Variants in EIF4B observed in about 807,000 individuals in gnomAD.
The protein encoded by EIF4B is eukaryotic translation initiation factor 4B.
In EIF4B, 8 loss-of-function variants were observed where a neutral mutation model predicts 79.3. The observed-to-expected ratio is 0.10, with a 90% confidence interval of 0.06 to 0.18. EIF4B has a LOEUF of 0.18. EIF4B is among the 10% of genes least tolerant of loss of function. The probability of loss-of-function intolerance (pLI) is 1.00; values close to 1 mark genes in which losing one functional copy is unlikely to be tolerated. For synonymous variants in EIF4B, 238 were observed against 274.7 expected (o/e 0.87, Z 1.32); for missense variants, 515 against 792.4 (o/e 0.65, Z 4.20).
rs149227424 is a variant in EIF4B, at chr12:53,027,279, G to A, written c.668-503G>A. Among the ~76,000 whole-genome samples the A allele has an allele frequency of 4.8e-3, 723 of 151,104 alleles. 6 individuals carry two copies. Among genetic ancestry groups the A allele is most frequent in the African/African-American group, 0.017 (691 of 41,260 alleles). ...CTCCCAAGTAGCTGGGACTGCAGGT[G>A]TGCGTCACCACGCCCAGCTAATTTT... On this transcript the variant is annotated intron_variant, in intron 6 of 14. Transcript: ENST00000262056.
chr12:53,031,831 CAG>C (rs1380073908), intron 8 of EIF4B, among the ~76,000 whole-genome samples: 3 of 152,146 alleles, frequency 2.0e-5, no homozygotes, highest in African/African-American at 2.4e-5. Context: ...ATTTAGAGGA[CAG>C]AGTACAGCTG....
intron 10 of EIF4B, among the ~76,000 whole-genome samples, chr12:53,037,138 G>T (rs1943553066): frequency 6.6e-6 from 1 of 152,200 alleles, no homozygotes; most frequent in African/African-American, 2.4e-5. Context: ...TTAACATTGA[G>T]AATGCAGAAA....
At chr12:53,010,872 C>A (rs10876395) in intron 1 of EIF4B, among the ~76,000 whole-genome samples, 59,289 of 152,054 alleles carry the variant, frequency 0.39, 15,012 homozygotes, top group Non-Finnish European at 0.57. Context: ...CACACCTGGC[C>A]TAAAGTAGCT....
In EIF4B at chr12:53,017,619, C is replaced by G. The variant is rs548088926; in HGVS notation, c.151+1009C>G. On this transcript the variant is annotated intron_variant, in intron 2 of 14. Coordinates refer to ENST00000262056, the MANE Select transcript of EIF4B (RefSeq NM_001417.7). ...TAAAAACAGGAAATTTTTTTTGAGA[C>G]AGAGTCTCTATTGCCCAGGCTGGGG... Among the ~76,000 whole-genome samples, 4 of 152,120 alleles carry G rather than the reference C, an allele frequency of 2.6e-5. No individual in the cohort carries two copies. The South Asian group carries it at 8.3e-4, about 32-fold the overall frequency.
At position 53,039,219 on chromosome 12, in the gene EIF4B, T is replaced by C; in HGVS notation, c.1577-19T>C. ...TACTTTTACTTGCCTTTAATTTGTT[T>C]ACATTACTGCCCAAGCAGATGAAAA... On this transcript the variant is annotated intron_variant, in intron 12 of 14. Transcript: ENST00000262056. The C allele has an allele frequency of 6.4e-7, 1 of 1,552,630 alleles. No individual in the cohort carries two copies. Among genetic ancestry groups the C allele is most frequent in the Non-Finnish European group, 8.8e-7 (1 of 1,135,542 alleles).
chr12:53,039,941 A>AGGTG (rs1254119058), intron 14 of EIF4B: 6 of 701,200 alleles, frequency 8.6e-6, no homozygotes, highest in Admixed American at 2.8e-5. Flanking sequence ...CAAGGTGTAG[A>AGGTG]GGTGGTATGA....
intron 7 of EIF4B, 30 bp from the exon 8 acceptor site, chr12:53,027,985 T>G (rs532662237): frequency 3.1e-6 from 5 of 1,607,594 alleles, no homozygotes; most frequent in African/African-American, 1.3e-5. Context: ...CCCTCCGCTG[T>G]GATGATTATA....
intron 6 of EIF4B, among the ~76,000 whole-genome samples, chr12:53,024,873 C>G (rs1943308601): frequency 6.6e-6 from 1 of 152,100 alleles, no homozygotes; most frequent in Admixed American, 6.6e-5. Context: ...GCCAGCTGGT[C>G]TCTAACTCCT....
At position 53,036,987 on chromosome 12, in the gene EIF4B, G is replaced by A. The variant is rs1943550972; in HGVS notation, c.1307-422G>A. Among the ~76,000 whole-genome samples the A allele has an allele frequency of 2.0e-5, 3 of 152,234 alleles. No individual in the cohort carries two copies. In the South Asian group the frequency reaches 6.2e-4, roughly 31 times the overall value. On this transcript the variant is annotated intron_variant, in intron 10 of 14. Transcript: ENST00000262056. The stretch of plus-strand genomic sequence containing the variant: ...AGGCGAGAGCCACTGCACCCAGCCA[G>A]TAGGTGGTTTTTCATAAATATGATT...
chr12:53,021,774 A>G (rs747594135), intron 4 of EIF4B, 32 bp from the exon 5 acceptor site: 2 of 1,614,080 alleles, frequency 1.2e-6, no homozygotes, highest in African/African-American at 1.3e-5. Flanking sequence ...TAATGGGGCA[A>G]AAGGTTGGTT....
intron 6 of EIF4B, among the ~76,000 whole-genome samples, chr12:53,026,738 AC>A (rs1217676915): frequency 6.6e-5 from 10 of 152,204 alleles, no homozygotes; most frequent in Admixed American, 5.2e-4. Flanking sequence ...AGTAGCTGGG[AC>A]CACAGGCCTG....
rs757056438 is a variant in EIF4B at position 53,016,536 on chromosome 12, G to C, written c.77G>C (p.Gly26Ala). 56 of 1,613,460 alleles carry C rather than the reference G, an allele frequency of 3.5e-5. No individual in the cohort carries two copies. The highest frequency in any genetic ancestry group is 4.4e-5 in the Non-Finnish European group (52 of 1,179,906). ...SLTDFLAEDG[G>A]TGGGSTYVSK... ...ACAGACTTTCTGGCTGAGGATGGGGGTACTGGTGGAGGAAGCACCTATGTT... is the reference window on the plus strand; with the variant it reads ...ACAGACTTTCTGGCTGAGGATGGGGCTACTGGTGGAGGAAGCACCTATGTT... Residue 26 changes from glycine (G) to alanine (A), a missense_variant, in exon 2 of 15, where the codon GGT becomes GCT. Gly to Ala is a moderately conservative substitution (Grantham distance 60). Around this residue, in one of 6 missense-constraint regions of EIF4B, gnomAD observed 105 missense variants for 177.2 expected, o/e 0.59. Transcript: ENST00000262056.
intron 5 of EIF4B, chr12:53,022,159 T>G: frequency 1.5e-6 from 1 of 664,978 alleles, no homozygotes. Flanking sequence ...TTGAGAAGAC[T>G]GATTGATCTA....
chr12:53,032,414 C>T (rs1222814288), intron 8 of EIF4B, among the ~76,000 whole-genome samples: 2 of 152,146 alleles, frequency 1.3e-5, no homozygotes, highest in Admixed American at 6.5e-5. Flanking sequence ...GCCTGGGTGA[C>T]AGAGCGAGAC....
At chr12:53,015,067 C>G (rs796927791) in intron 1 of EIF4B, 10 of 152,282 alleles carry the variant, frequency 6.6e-5, no homozygotes, top group African/African-American at 2.2e-4. Context: ...GTGTGTTTTC[C>G]TTTTAGCATT....
At position 53,019,450 on chromosome 12, in the gene EIF4B, C is replaced by CTTTTTTTTTTT. The variant is rs71095966; in HGVS notation, c.361-446_361-436dup. 5.1e-3 allele frequency among the ~76,000 whole-genome samples: 334 copies of CTTTTTTTTTTT among 66,002 alleles called. 60 individuals carry two copies. The highest frequency in any genetic ancestry group is 8.1e-3 in the Non-Finnish European group (259 of 31,886). The allele number at this position is 66,002 out of a possible 152,430, so 43.3% of individuals were successfully genotyped here. Reference sequence around the variant, plus strand: ...ATATATATATATATTTTTTTTTTTTCTTTTTTTTTTTTTTTTTTTTTTTTG... The same window carrying CTTTTTTTTTTT: ...ATATATATATATATTTTTTTTTTTTCTTTTTTTTTTTTTTTTTTTTTTTTTTTTTTTTTTTG... On this transcript the variant is annotated intron_variant, in intron 3 of 14. Transcript: ENST00000262056.
chr12:53,008,450 C>A (rs991052801), intron 1 of EIF4B: 2 of 152,198 alleles, frequency 1.3e-5, no homozygotes, highest in Non-Finnish European at 2.9e-5. Flanking sequence ...ATTGTTTCCC[C>A]GCTCCTCTTT....
At chr12:53,028,756 C>A (rs1356279301) in intron 8 of EIF4B, among the ~76,000 whole-genome samples, 1 of 152,028 alleles carries the variant, frequency 6.6e-6, no homozygotes, top group Non-Finnish European at 1.5e-5. Context: ...GTTTTAGCTC[C>A]ATTTTCCAAG....
Position 53,030,413 on chromosome 12 carries a change from C to CTTTTTTTTTTTTTTT in EIF4B, c.979+2236_979+2250dup, listed in dbSNP as rs759061266. ...GAAATAGGTTTTAAAAAATTATATTCTTTTTTTTTTTTTTTTTTTTTTTTT... is the reference window on the plus strand; with the variant it reads ...GAAATAGGTTTTAAAAAATTATATTCTTTTTTTTTTTTTTTTTTTTTTTTTTTTTTTTTTTTTTTT... On this transcript the variant is annotated intron_variant, in intron 8 of 14. Transcript: ENST00000262056. 1.2e-3 allele frequency among the ~76,000 whole-genome samples: 50 copies of CTTTTTTTTTTTTTTT among 43,092 alleles called. 10 individuals are homozygous for CTTTTTTTTTTTTTTT. The highest frequency in any genetic ancestry group is 1.4e-3 in the Non-Finnish European group (23 of 16,856). 28.3% of individuals were successfully genotyped at this position (43,092 alleles called of 152,430 possible).
Sources: allele counts gnomAD v4.1 joint callset (sites outside exome capture counted in the v4.1 genomes callset), GRCh38; gene constraint gnomAD v4.1.1; regional missense constraint gnomAD v4.1.1; transcripts MANE v1.5; gene names NCBI Gene and HGNC (gene_info 2026-07-23, HGNC 2026-07-21).